Variants in HPSE2 observed in about 807,000 individuals in gnomAD.
The protein encoded by HPSE2 is inactive heparanase-2.
In HPSE2, 38 loss-of-function variants were observed where a neutral mutation model predicts 60.5. The ratio of observed to expected loss-of-function variants is 0.63; its 90% CI spans 0.48 to 0.82. HPSE2 has a LOEUF of 0.82. HPSE2 is among the 40% of genes least tolerant of loss of function. The pLI is 0.00. For missense variants in HPSE2, 713 were observed against 740.4 expected, an observed-to-expected ratio of 0.96 and a Z score of 0.43; for synonymous variants, 295 against 293.2, an observed-to-expected ratio of 1.01 and a Z score of -0.06.
intron 3 of HPSE2, among the ~76,000 whole-genome samples, chr10:99,127,682 G>C (rs572972615): frequency 4.3e-4 from 66 of 152,218 alleles, no homozygotes; most frequent in African/African-American, 1.3e-3. Context: ...TCATCACCTA[G>C]GCACATAGTC....
chr10:99,309,549 G>C, the HPSE2 span, among the ~76,000 whole-genome samples: 31 of 152,262 alleles, frequency 2.0e-4, no homozygotes, highest in Middle Eastern at 6.8e-3. Flanking sequence ...TAAAGACACA[G>C]AGCAGGGTCA....
chr10:99,033,782 CAA>C (rs1030821539), intron 3 of HPSE2, among the ~76,000 whole-genome samples: 2 of 135,708 alleles, frequency 1.5e-5, no homozygotes, highest in Non-Finnish European at 1.6e-5. Context: ...GACTCCGTCT[CAA>C]AAAAAAAAAA....
At chr10:98,586,083 A>G (rs1429080636) in intron 9 of HPSE2, among the ~76,000 whole-genome samples, 3 of 152,172 alleles carry the variant, frequency 2.0e-5, no homozygotes, top group Non-Finnish European at 4.4e-5. Context: ...GAGAGTTCAC[A>G]GTAGACAACA....
At chr10:99,159,832 G>C (rs1846750062) in intron 2 of HPSE2, among the ~76,000 whole-genome samples, 1 of 152,104 alleles carries the variant, frequency 6.6e-6, no homozygotes, top group African/African-American at 2.4e-5. Flanking sequence ...AAGAGTAAAA[G>C]TGTTCGCTCT....
chr10:99,150,067 T>C (rs542199620), intron 2 of HPSE2, among the ~76,000 whole-genome samples: 53 of 152,270 alleles, frequency 3.5e-4, no homozygotes, highest in African/African-American at 1.2e-3. Flanking sequence ...TACCCTAGTA[T>C]ACAATTCAAG....
intron 9 of HPSE2, among the ~76,000 whole-genome samples, chr10:98,506,499 C>A (rs541048266): frequency 6.6e-6 from 1 of 152,180 alleles, no homozygotes; most frequent in East Asian, 1.9e-4. Context: ...TGCTGGAGTG[C>A]AGTGGTGTGT....
chr10:99,047,844 T>G lies in HPSE2; in HGVS notation c.610+96394A>C, dbSNP rs989425808. ...TATAGGCAGATGTACAGAACTGAAA[T>G]TTGAATGGCGAGGATGGCAAGAAAA... On this transcript the variant is annotated intron_variant, in intron 3 of 11. Transcript: ENST00000370552. 86 of 786,646 alleles carry G rather than the reference T, an allele frequency of 1.1e-4. No homozygotes were observed. The African/African-American group carries it at 1.4e-3, about 13-fold the overall frequency. The allele number at this position is 786,646 out of a possible 1,614,324, so 48.7% of individuals were successfully genotyped here. A position where few individuals can be genotyped will look rare whatever the true frequency, so the allele number is the denominator to read the frequency against.
At chr10:98,792,177 TACAA>T (rs1411195659) in intron 3 of HPSE2, among the ~76,000 whole-genome samples, 1 of 152,068 alleles carries the variant, frequency 6.6e-6, no homozygotes, top group Non-Finnish European at 1.5e-5. Flanking sequence ...TCTACTAGAA[TACAA>T]ACAGTCTCAC....
intron 7 of HPSE2, among the ~76,000 whole-genome samples, chr10:98,641,561 T>G (rs1946637235): frequency 6.6e-6 from 1 of 151,790 alleles, no homozygotes; most frequent in Non-Finnish European, 1.5e-5. Context: ...CACTCCAGCC[T>G]GGGCAACAAA....
intron 9 of HPSE2, among the ~76,000 whole-genome samples, chr10:98,513,855 A>G (rs1177045464): frequency 6.6e-6 from 1 of 152,222 alleles, no homozygotes; most frequent in African/African-American, 2.4e-5. Context: ...TGGTTCCTCA[A>G]TAAGTTAAAT....
chr10:99,249,235 C>T, the HPSE2 span, among the ~76,000 whole-genome samples: 2 of 152,204 alleles, frequency 1.3e-5, no homozygotes, highest in Non-Finnish European at 2.9e-5. Context: ...TCAACACCAG[C>T]CCTTGAGACC....
At chr10:99,282,934 C>T in the HPSE2 span, among the ~76,000 whole-genome samples, 1 of 152,062 alleles carries the variant, frequency 6.6e-6, no homozygotes, top group Admixed American at 6.5e-5. Context: ...CCTGTAATCC[C>T]AGCACTTTGG....
the HPSE2 span, among the ~76,000 whole-genome samples, chr10:99,241,541 G>A: frequency 2.0e-5 from 3 of 152,112 alleles, no homozygotes; most frequent in African/African-American, 4.8e-5. Flanking sequence ...AGGATTGCTC[G>A]AGCCCAGGAG....
chr10:98,522,847 T>C (rs1293004009), intron 9 of HPSE2, among the ~76,000 whole-genome samples: 1 of 152,192 alleles, frequency 6.6e-6, no homozygotes, highest in Non-Finnish European at 1.5e-5. Context: ...CTGCATCTTA[T>C]CCTGAGTCTT....
At chr10:98,576,064 C>G (rs1172770844) in intron 9 of HPSE2, among the ~76,000 whole-genome samples, 1 of 152,012 alleles carries the variant, frequency 6.6e-6, no homozygotes, top group Non-Finnish European at 1.5e-5. Context: ...GCCCCTGTTT[C>G]ACTCTTTACT....
intron 6 of HPSE2, among the ~76,000 whole-genome samples, chr10:98,653,277 T>A (rs1477883045): frequency 6.6e-6 from 1 of 152,166 alleles, no homozygotes; most frequent in Non-Finnish European, 1.5e-5. Flanking sequence ...AACATATGGT[T>A]AAGTTTGTTT....
intron 3 of HPSE2, among the ~76,000 whole-genome samples, chr10:99,050,014 G>C (rs907380392): frequency 2.0e-5 from 3 of 152,168 alleles, no homozygotes; most frequent in Non-Finnish European, 4.4e-5. Context: ...TTAAGGAAAT[G>C]TAAGCTGGGC....
At chr10:98,577,193 T>A (rs916665831) in intron 9 of HPSE2, among the ~76,000 whole-genome samples, 13 of 151,984 alleles carry the variant, frequency 8.6e-5, no homozygotes, top group African/African-American at 2.9e-4. Context: ...CTGATTACTT[T>A]AACTTGTCTT....
At chr10:98,870,478 C>A (rs1249396396) in intron 3 of HPSE2, among the ~76,000 whole-genome samples, 3 of 152,116 alleles carry the variant, frequency 2.0e-5, no homozygotes, top group Non-Finnish European at 4.4e-5. Context: ...ACTCTGTGAA[C>A]AAAAGGCCAC....
Sources: gnomAD v4.1 joint callset for allele counts (sites outside exome capture counted in the v4.1 genomes callset) on GRCh38, gnomAD v4.1.1 for gene constraint, MANE v1.5 for transcripts, NCBI Gene and HGNC (gene_info 2026-07-23, HGNC 2026-07-21) for gene names.